Variants in GPR162 observed in about 807,000 individuals in gnomAD.
The protein encoded by GPR162 is probable G protein-coupled receptor 162.
GPR162 carries 26 observed loss-of-function variants against 44.9 expected under a neutral mutation model. The observed-to-expected ratio is 0.58, with a 90% CI of 0.42 to 0.80. The LOEUF (loss-of-function observed/expected upper bound fraction) is 0.80, where lower values mean the gene tolerates loss of function less well. Among genes scored for constraint, GPR162 ranks in the 30% least tolerant of loss-of-function variants. The pLI is 0.00. For missense variants in GPR162, 704 were observed against 802.3 expected (o/e 0.88, Z 1.48); for synonymous variants, 363 against 335.2 (o/e 1.08, Z -0.91).
In GPR162 at chr12:6,823,974, C is replaced by A. The variant is rs1943316976; in HGVS notation, c.76C>A (p.Leu26Met). The A allele has an allele frequency of 6.2e-7, 1 of 1,601,910 alleles. No homozygotes were observed. The change falls in exon 2 of 5, where the codon CTG becomes ATG. Residue 26 changes from leucine (L) to methionine (M), a missense_variant. This residue lies in a region of GPR162 where 110 missense variants were observed against 206.2 expected (regional missense o/e 0.53). Transcript: ENST00000311268. Reference protein sequence around the residue: ...NALSWLACGLLALLANAWIIL... With the variant: ...NALSWLACGLMALLANAWIIL... ...ATTGTCCTGGCTGGCCTGTGGGCTC[C>A]TGGCGCTGCTGGCCAATGCCTGGAT...
chr12:6,824,872 C>T, intron 2 of GPR162, 107 bp downstream of exon 2: 1 of 852,220 alleles, frequency 1.2e-6, no homozygotes, highest in East Asian at 2.5e-5. Flanking sequence ...ATCTCTCCTC[C>T]AGTTCCATCA....
chr12:6,826,079 T>G (rs1943350408), intron 3 of GPR162, 117 bp from the exon 4 acceptor site: 4 of 768,258 alleles, frequency 5.2e-6, no homozygotes, highest in African/African-American at 5.2e-5. Flanking sequence ...CACTGTCCTC[T>G]TGGAACATAC....
Position 6,822,381 on chromosome 12 carries a change from G to A in GPR162, c.-432+481G>A, listed in dbSNP as rs1943294574. On this transcript the variant is annotated intron_variant, in intron 1 of 4. Transcript: ENST00000311268. This position sits in a 1 kb window ranked among gnomAD's most constrained non-coding sequence, Gnocchi z 4.2. Reference sequence around the variant, plus strand: ...CTCCGGAGGGAAGCCAAGGGTGGGGGTGGACCAGGACCTCTTGGGGAAAGC... The same window carrying A: ...CTCCGGAGGGAAGCCAAGGGTGGGGATGGACCAGGACCTCTTGGGGAAAGC... Among the ~76,000 whole-genome samples, 1 of 152,176 alleles carries A rather than the reference G, an allele frequency of 6.6e-6. No homozygotes were observed. The highest frequency in any genetic ancestry group is 6.5e-5 in the Admixed American group (1 of 15,282).
Position 6,823,700 on chromosome 12 carries a change from G to A in GPR162, c.-199G>A. On this transcript the variant is annotated 5_prime_UTR_variant, in exon 2 of 5. Transcript: ENST00000311268. ...TGAGGATTGCCTCTGCTGACCCTCA[G>A]TCTCCTCCCCTGCCCTCTACATCTG... is the stretch of plus-strand genomic sequence containing the variant. 4.6e-6 allele frequency: 7 copies of A among 1,536,456 alleles called. No homozygotes were observed. Among genetic ancestry groups the A allele is most frequent in the Non-Finnish European group, 6.3e-6 (7 of 1,117,576 alleles).
chr12:6,826,853 A>G lies in GPR162; in HGVS notation c.1416A>G (p.Glu472=), dbSNP rs1591575755. 6.2e-7 allele frequency: 1 copy of G among 1,612,428 alleles called. No homozygotes were observed. Among genetic ancestry groups the G allele is most frequent in the East Asian group, 2.2e-5 (1 of 44,858 alleles). The part of the protein sequence containing the change: ...LEDEEDEEEA[E]GGGLASLRQF... The stretch of plus-strand genomic sequence containing the variant: ...ACGAGGAGGACGAGGAAGAGGCTGA[A>G]GGTGGGGGGCTGGCCAGCCTTCGCC... The change falls in exon 5 of 5, where the codon GAA becomes GAG. Residue 472 remains glutamate, a synonymous_variant. Transcript: ENST00000311268.
At chr12:6,825,905 C>G (rs1419933914) in intron 3 of GPR162, among the ~76,000 whole-genome samples, 1 of 152,198 alleles carries the variant, frequency 6.6e-6, no homozygotes, top group Non-Finnish European at 1.5e-5. Context: ...ACCCACACTG[C>G]CCAGCTCTGG....
rs138417793 is a variant in GPR162, at chr12:6,823,158, G to A, written c.-431-310G>A. 5.3e-4 allele frequency among the ~76,000 whole-genome samples: 80 copies of A among 152,330 alleles called. 3 individuals carry two copies. In the East Asian group the frequency reaches 0.015, roughly 28 times the overall value. On this transcript the variant is annotated intron_variant, in intron 1 of 4. Transcript: ENST00000311268. Reference sequence around the variant, plus strand: ...GAGACATTTAGGGACTTGAAGATAGGGGTGGAGTAGTGCTGAGCAGGGGAT... The same window carrying A: ...GAGACATTTAGGGACTTGAAGATAGAGGTGGAGTAGTGCTGAGCAGGGGAT...
In GPR162 at chr12:6,824,090, T is replaced by G; in HGVS notation, c.192T>G (p.Ala64=). ...CGGGCACACACATACTCATGGCAGC[T>G]GTGCCCCTCACCACCTTTGCCGTGG... ...FLAGTHILMA[A]VPLTTFAVVQ... Residue 64 remains alanine (A), a synonymous_variant, in exon 2 of 5, where the codon GCT becomes GCG. Transcript: ENST00000311268. 4 of 1,613,956 alleles carry G rather than the reference T, an allele frequency of 2.5e-6. No individual in the cohort carries two copies. Among genetic ancestry groups the G allele is most frequent in the Non-Finnish European group, 3.4e-6 (4 of 1,180,026 alleles).
chr12:6,825,732 G>T (rs1943345682), intron 3 of GPR162, 59 bp downstream of exon 3: 5 of 1,426,120 alleles, frequency 3.5e-6, no homozygotes, highest in Middle Eastern at 1.8e-4. Flanking sequence ...CTTTTCTGCC[G>T]CTCCTTCTCA....
At position 6,823,665 on chromosome 12, in the gene GPR162, G is replaced by A; in HGVS notation, c.-234G>A. ...GGATGCTTAAGGAAGGCCCCGCCCA[G>A]TATGAAAGCTGAGGATTGCCTCTGC... On this transcript the variant is annotated 5_prime_UTR_variant, in exon 2 of 5. Transcript: ENST00000311268. 8.3e-7 allele frequency: 1 copy of A among 1,201,464 alleles called. No individual in the cohort carries two copies. The highest frequency in any genetic ancestry group is 1.5e-5 in the African/African-American group (1 of 66,570). The allele number at this position is 1,201,464 out of a possible 1,614,324, so 74.4% of individuals were successfully genotyped here. A position where few individuals can be genotyped will look rare whatever the true frequency, so the allele number is the denominator to read the frequency against.
In GPR162 at chr12:6,825,518, C is replaced by T. The variant is rs1555119865; in HGVS notation, c.902C>T (p.Ala301Val). Residue 301 changes from alanine (A) to valine (V), a missense_variant, in exon 3 of 5, where the codon GCG becomes GTG. Coordinates refer to ENST00000311268, the MANE Select transcript of GPR162 (RefSeq NM_019858.2). ...TTCTTCTCCCTCAAGTCGGACTCGG[C>T]GCCCCCCTGGATGGTGCTGGCTGTG... ...VSFFSLKSDS[A>V]PPWMVLAVLW... 4 of 1,610,878 alleles carry T rather than the reference C, an allele frequency of 2.5e-6. No homozygotes were observed. The highest frequency in any genetic ancestry group is 1.7e-5 in the Admixed American group (1 of 59,854).
Position 6,823,821 on chromosome 12 carries a change from T to A in GPR162, c.-78T>A. 2 of 1,601,302 alleles carry A rather than the reference T, an allele frequency of 1.2e-6. No individual in the cohort carries two copies. Among genetic ancestry groups the A allele is most frequent in the Non-Finnish European group, 1.7e-6 (2 of 1,172,828 alleles). Reference sequence around the variant, plus strand: ...GCGAGGATTGTGGGGATCATGGGAGTGTTTGTGAGTGGGGCTCCTGGGTGA... The same window carrying A: ...GCGAGGATTGTGGGGATCATGGGAGAGTTTGTGAGTGGGGCTCCTGGGTGA... On this transcript the variant is annotated 5_prime_UTR_variant, in exon 2 of 5. Transcript: ENST00000311268.
chr12:6,825,770 C>T (rs1943346177), intron 3 of GPR162, 97 bp downstream of exon 3: 1 of 1,085,122 alleles, frequency 9.2e-7, no homozygotes, highest in East Asian at 2.6e-5. Context: ...CCTGGAGTGC[C>T]CCCTACTGGA....
chr12:6,826,937 CT>C lies in GPR162; in HGVS notation c.1502del (p.Phe501SerfsTer54). Reference sequence around the variant, plus strand: ...GGGGACCCCCACGGGGTCCTGGCTTCTTCCGGGAGGAGATCACCACCTTCAT... The same window carrying C: ...GGGGACCCCCACGGGGTCCTGGCTTCTCCGGGAGGAGATCACCACCTTCAT... ...GGGPPRGPGF[F>X]REEITTFIDE... On this transcript the variant is annotated frameshift_variant, in exon 5 of 5. Transcript: ENST00000311268. LOFTEE classifies it high-confidence loss of function. The C allele has an allele frequency of 6.2e-7, 1 of 1,613,402 alleles. No homozygotes were observed. Among genetic ancestry groups the C allele is most frequent in the Non-Finnish European group, 8.5e-7 (1 of 1,180,002 alleles).
Position 6,826,300 on chromosome 12 carries a change from C to T in GPR162, c.1162C>T (p.Leu388=). Residue 388 remains leucine (L), a synonymous_variant, in exon 4 of 5, where the codon CTG becomes TTG. Coordinates refer to ENST00000311268, the MANE Select transcript of GPR162 (RefSeq NM_019858.2). Reference sequence around the variant, plus strand: ...CCGGGACCCCGCCCAGGTGAAGCTGCTGCCTGGAAGGCACATGCTCTTCCC... The same window carrying T: ...CCGGGACCCCGCCCAGGTGAAGCTGTTGCCTGGAAGGCACATGCTCTTCCC... ...GSRDPAQVKL[L]PGRHMLFPPL... is the part of the protein sequence containing the mutation. The T allele has an allele frequency of 6.2e-7, 1 of 1,613,866 alleles. No individual in the cohort carries two copies. The highest frequency in any genetic ancestry group is 8.5e-7 in the Non-Finnish European group (1 of 1,179,958).
rs782776823 is a variant in GPR162, at chr12:6,824,105, C to T, written c.207C>T (p.Thr69=). 1 of 1,613,956 alleles carries T rather than the reference C, an allele frequency of 6.2e-7. No homozygotes were observed. The change falls in exon 2 of 5, where the codon ACC becomes ACT. Residue 69 remains threonine (T), a synonymous_variant. Coordinates refer to ENST00000311268, the MANE Select transcript of GPR162 (RefSeq NM_019858.2). The part of the protein sequence containing the change: ...HILMAAVPLT[T]FAVVQLRRQA... Reference sequence around the variant, plus strand: ...TCATGGCAGCTGTGCCCCTCACCACCTTTGCCGTGGTGCAGCTGCGTCGTC... The same window carrying T: ...TCATGGCAGCTGTGCCCCTCACCACTTTTGCCGTGGTGCAGCTGCGTCGTC...
chr12:6,826,089 C>A, intron 3 of GPR162, 107 bp from the exon 4 acceptor site: 1 of 812,464 alleles, frequency 1.2e-6, no homozygotes, highest in Non-Finnish European at 2.0e-6. Context: ...TTGGAACATA[C>A]ATGCTAATGG....
At position 6,822,979 on chromosome 12, in the gene GPR162, G is replaced by A. The variant is rs1283132598; in HGVS notation, c.-431-489G>A. Among the ~76,000 whole-genome samples the A allele has an allele frequency of 6.6e-6, 1 of 152,204 alleles. No individual in the cohort carries two copies. Among genetic ancestry groups the A allele is most frequent in the Non-Finnish European group, 1.5e-5 (1 of 68,036 alleles). On this transcript the variant is annotated intron_variant, in intron 1 of 4. Transcript: ENST00000311268. The surrounding 1 kb of genome is among the most constrained non-coding windows in gnomAD (Gnocchi z 4.2). ...TCCCAGATATGGGTAGCTGGAGGGT[G>A]ATCACCCAGGTTTGGGGAAGTAGGG...
In GPR162 at chr12:6,824,781, T is replaced by A; in HGVS notation, c.867+16T>A. On this transcript the variant is annotated intron_variant, in intron 2 of 4. Transcript: ENST00000311268. ...GCCCATCTTGGTGAGATCGGGGTCC[T>A]CCCCACCTGTTCTCCCCAATATCCA... 1 of 1,603,118 alleles carries A rather than the reference T, an allele frequency of 6.2e-7. No individual in the cohort carries two copies.
Sources: allele counts gnomAD v4.1 joint callset (sites outside exome capture counted in the v4.1 genomes callset), GRCh38; gene constraint gnomAD v4.1.1; regional missense constraint gnomAD v4.1.1; non-coding constraint Gnocchi (gnomAD v3.1); transcripts MANE v1.5; gene names NCBI Gene and HGNC (gene_info 2026-07-23, HGNC 2026-07-21).